The following MCOLN2 variants were observed in gnomAD, a reference collection of about 807,000 sequenced individuals.
MCOLN2 encodes mucolipin-2.
Under a neutral mutation model 67.5 loss-of-function variants are expected in MCOLN2, and 57 were observed. The ratio of observed to expected loss-of-function variants is 0.84; its 90% CI spans 0.68 to 1.05. MCOLN2 has a LOEUF of 1.05. MCOLN2 is among the 50% of genes least tolerant of loss of function. The pLI is 0.00. For missense variants in MCOLN2, 620 were observed against 678.8 expected (o/e 0.91, Z 0.96); for synonymous variants, 246 against 233.3 (o/e 1.05, Z -0.50).
chr1:84,973,830 C>A (rs1414333812), intron 1 of MCOLN2, among the ~76,000 whole-genome samples: 1 of 152,120 alleles, frequency 6.6e-6, no homozygotes, highest in Non-Finnish European at 1.5e-5. Flanking sequence ...TTCATAAGAA[C>A]CAAAAATCAG....
At chr1:84,931,229 C>T (rs1160743275) in intron 12 of MCOLN2, 133 bp downstream of exon 12, 13 of 637,936 alleles carry the variant, frequency 2.0e-5, no homozygotes, top group African/African-American at 3.7e-5. Context: ...TCATCTCCAG[C>T]GTCTAAAAAG....
chr1:84,987,730 T>C (rs75918067), intron 1 of MCOLN2, among the ~76,000 whole-genome samples: 17,813 of 139,632 alleles, frequency 0.13, 1,521 homozygotes, highest in East Asian at 0.23. Context: ...TGAATGCTAC[T>C]CAGCTATAAA....
chr1:84,940,321 T>G (rs907172526), intron 8 of MCOLN2, among the ~76,000 whole-genome samples: 1 of 152,168 alleles, frequency 6.6e-6, no homozygotes, highest in Non-Finnish European at 1.5e-5. Flanking sequence ...CTGACCCCAG[T>G]GTGCATTTGT....
intron 6 of MCOLN2, among the ~76,000 whole-genome samples, chr1:84,950,756 G>T (rs899673384): frequency 1.3e-5 from 2 of 152,050 alleles, no homozygotes; most frequent in Non-Finnish European, 2.9e-5. Context: ...CACAAGCCAG[G>T]TTTGCCCAAG....
intron 7 of MCOLN2, among the ~76,000 whole-genome samples, chr1:84,946,124 G>A (rs190534291): frequency 3.3e-5 from 5 of 152,204 alleles, no homozygotes; most frequent in Admixed American, 2.0e-4. Context: ...CATTTGCAGC[G>A]GTTGCTGTCT....
chr1:84,987,499 C>CCTATATACGTAT (rs367546536), intron 1 of MCOLN2, among the ~76,000 whole-genome samples: 12,167 of 36,928 alleles, frequency 0.33, 3,079 homozygotes, highest in South Asian at 0.38. Context: ...CATATGTATA[C>CCTATATACGTAT]ATAGATGTAT....
At chr1:84,992,041 C>G (rs1203645254) in intron 1 of MCOLN2, among the ~76,000 whole-genome samples, 1 of 152,040 alleles carries the variant, frequency 6.6e-6, no homozygotes, top group East Asian at 1.9e-4. Flanking sequence ...ATTTTTTCCT[C>G]AAAGCATTGA....
At chr1:84,939,833 C>T (rs113008554) in intron 8 of MCOLN2, 131 bp from the exon 9 acceptor site, 23 of 865,146 alleles carry the variant, frequency 2.7e-5, no homozygotes, top group African/African-American at 5.2e-5. Context: ...AGATCCACCT[C>T]GAAAGTGGAG....
At position 84,965,844 on chromosome 1, in the gene MCOLN2, T is replaced by A. The variant is rs201406971; in HGVS notation, c.78-136A>T. 4.4e-4 allele frequency: 276 copies of A among 620,336 alleles called. No homozygotes were observed. Among genetic ancestry groups the A allele is most frequent in the East Asian group, 6.3e-4 (18 of 28,624 alleles). 38.4% of individuals were successfully genotyped at this position (620,336 alleles called of 1,614,324 possible). On this transcript the variant is annotated intron_variant, in intron 1 of 13. Coordinates refer to ENST00000370608, the MANE Select transcript of MCOLN2 (RefSeq NM_153259.4). The stretch of plus-strand genomic sequence containing the variant: ...GAAAAGCCTCTTTATGAACACAAAA[T>A]AAAAAAGCAACTCTAGTTATGGCAG...
chr1:84,995,718 G>A (rs938790507), intron 1 of MCOLN2, among the ~76,000 whole-genome samples: 2 of 151,886 alleles, frequency 1.3e-5, no homozygotes, highest in African/African-American at 4.8e-5. Flanking sequence ...TTTCAGTTCT[G>A]TATTTCGTGC....
chr1:84,959,834 C>G (rs1353330227), intron 2 of MCOLN2, among the ~76,000 whole-genome samples: 1 of 152,138 alleles, frequency 6.6e-6, no homozygotes, highest in East Asian at 1.9e-4. Flanking sequence ...TATTTGTTGT[C>G]ATTCCATGGT....
chr1:84,935,725 C>T (rs1448204783), intron 11 of MCOLN2, among the ~76,000 whole-genome samples: 1 of 152,094 alleles, frequency 6.6e-6, no homozygotes, highest in Non-Finnish European at 1.5e-5. Context: ...TCAATTGTAG[C>T]CCAAACTGTA....
intron 1 of MCOLN2, among the ~76,000 whole-genome samples, chr1:84,976,687 ACTC>A (rs1326890058): frequency 6.6e-6 from 1 of 151,970 alleles, no homozygotes; most frequent in Non-Finnish European, 1.5e-5. Flanking sequence ...AATTGCTTGA[ACTC>A]AGGAGGTGGA....
chr1:84,968,525 A>G (rs1649493418), intron 1 of MCOLN2, among the ~76,000 whole-genome samples: 1 of 152,254 alleles, frequency 6.6e-6, no homozygotes, highest in African/African-American at 2.4e-5. Context: ...AGGACTAAGC[A>G]TATTGGAAAT....
intron 7 of MCOLN2, 95 bp downstream of exon 7, chr1:84,946,938 T>C (rs1465700184): frequency 1.5e-6 from 1 of 655,154 alleles, no homozygotes; most frequent in Non-Finnish European, 2.7e-6. Flanking sequence ...TTCTTCCTAT[T>C]ATCATGCAAA....
intron 7 of MCOLN2, among the ~76,000 whole-genome samples, chr1:84,943,269 C>T (rs916608973): frequency 2.6e-5 from 4 of 151,566 alleles, no homozygotes; most frequent in Non-Finnish European, 4.4e-5. Flanking sequence ...AGAAGGACAA[C>T]CAAGAATGAT....
Position 84,952,463 on chromosome 1 carries a change from G to A in MCOLN2, c.633C>T (p.Phe211=), listed in dbSNP as rs757388833. The change falls in exon 5 of 14, where the codon TTC becomes TTT. Residue 211 remains phenylalanine, a synonymous_variant. Transcript: ENST00000370608. ...KPPDWKNSSF[F]RLEFYRLLQV... The stretch of plus-strand genomic sequence containing the variant: ...GTATTTACCGATAAAATTCCAGTCT[G>A]AAGAATGATGAGTTCTTCCAGTCCG... 1.2e-6 allele frequency: 2 copies of A among 1,612,528 alleles called. No individual in the cohort carries two copies. The highest frequency in any genetic ancestry group is 2.2e-5 in the South Asian group (2 of 91,056).
intron 1 of MCOLN2, among the ~76,000 whole-genome samples, chr1:84,971,749 A>G (rs113345239): frequency 1.2e-4 from 18 of 152,304 alleles, no homozygotes; most frequent in African/African-American, 3.6e-4. Flanking sequence ...AATTACAACC[A>G]GGCTTCATAA....
intron 6 of MCOLN2, among the ~76,000 whole-genome samples, chr1:84,951,570 T>C (rs1042622949): frequency 2.6e-5 from 4 of 152,240 alleles, no homozygotes; most frequent in Non-Finnish European, 5.9e-5. Context: ...AAATATTTGC[T>C]ATAACATTTG....
Sources: gnomAD v4.1 joint callset for allele counts (sites outside exome capture counted in the v4.1 genomes callset) on GRCh38, gnomAD v4.1.1 for gene constraint, MANE v1.5 for transcripts, NCBI Gene and HGNC (gene_info 2026-07-23, HGNC 2026-07-21) for gene names.